TOPAZ1: variants seen among roughly 807,000 people sequenced by gnomAD.
TOPAZ1 encodes protein TOPAZ1.
A neutral mutation model predicts 172.2 loss-of-function variants in TOPAZ1; 66 were observed. That is an observed-to-expected ratio of 0.38 (90% confidence interval 0.31 to 0.47). TOPAZ1 has a LOEUF of 0.47. Among genes scored for constraint, TOPAZ1 ranks in the 20% least tolerant of loss-of-function variants. The pLI is 0.99. For synonymous variants in TOPAZ1, 681 were observed against 683.9 expected (o/e 1.00, Z 0.07); for missense variants, 1,822 against 1,972.4 (o/e 0.92, Z 1.44).
chr3:44,267,104 A>G lies in TOPAZ1; in HGVS notation c.3128A>G (p.Gln1043Arg), dbSNP rs945845660. ...LVPPLNLSGR[Q>R]EDTILNTWMN... ...CCTCCTTTGAATCTAAGTGGTCGTC[A>G]AGAAGACACAATACTGAATACCTGG... The change falls in exon 6 of 20, where the codon CAA (glutamine) becomes CGA (arginine). Residue 1043 changes from glutamine to arginine, a missense_variant. Around this residue, in one of 2 missense-constraint regions of TOPAZ1, gnomAD observed 1,489 missense variants for 1,490.8 expected, o/e 1.00. Coordinates refer to ENST00000309765, the MANE Select transcript of TOPAZ1 (RefSeq NM_001145030.2). The G allele has an allele frequency of 6.5e-7, 1 of 1,546,238 alleles. No homozygotes were observed. The highest frequency in any genetic ancestry group is 8.7e-7 in the Non-Finnish European group (1 of 1,144,846).
intron 4 of TOPAZ1, among the ~76,000 whole-genome samples, chr3:44,258,791 G>T (rs1699743979): frequency 1.3e-5 from 2 of 152,106 alleles, no homozygotes; most frequent in Admixed American, 1.3e-4. Context: ...TCATGTACAG[G>T]TTTTTGTGTA....
At chr3:44,258,632 A>G (rs771900436) in intron 4 of TOPAZ1, among the ~76,000 whole-genome samples, 5 of 151,754 alleles carry the variant, frequency 3.3e-5, no homozygotes, top group African/African-American at 4.8e-5. Flanking sequence ...AAGTCATTGC[A>G]TATATCGGTA....
At chr3:44,298,171 A>C (rs918580306) in intron 12 of TOPAZ1, among the ~76,000 whole-genome samples, 1 of 152,214 alleles carries the variant, frequency 6.6e-6, no homozygotes, top group Non-Finnish European at 1.5e-5. Context: ...GACAACTTTT[A>C]AAAAAGAATA....
intron 8 of TOPAZ1, among the ~76,000 whole-genome samples, chr3:44,280,663 A>T (rs1700013143): frequency 1.3e-5 from 2 of 152,164 alleles, no homozygotes; most frequent in African/African-American, 4.8e-5. Flanking sequence ...TTCAAAAGTT[A>T]TTTTAGCAGC....
At chr3:44,252,779 A>T (rs1157759773) in intron 2 of TOPAZ1, among the ~76,000 whole-genome samples, 1 of 151,658 alleles carries the variant, frequency 6.6e-6, no homozygotes, top group Non-Finnish European at 1.5e-5. Context: ...CCCACCTTGT[A>T]CTGGAATTGC....
At chr3:44,287,324 CAA>C in intron 9 of TOPAZ1, 63 bp from the exon 10 acceptor site, 1 of 934,786 alleles carries the variant, frequency 1.1e-6, no homozygotes, top group Non-Finnish European at 1.4e-6. Flanking sequence ...GAAAAATTAT[CAA>C]ATTTAAGAAA....
intron 19 of TOPAZ1, among the ~76,000 whole-genome samples, chr3:44,331,061 T>C (rs956358361): frequency 6.6e-6 from 1 of 152,270 alleles, no homozygotes; most frequent in Non-Finnish European, 1.5e-5. Flanking sequence ...AACATGTGAA[T>C]GTTAATTCTA....
chr3:44,328,306 C>G lies in TOPAZ1; in HGVS notation c.4732C>G (p.Leu1578Val). ...PLEGNLYRKL[L>V]LIPSYLSEIE... ...GGAAGGAAATTTATACCGAAAACTT[C>G]TTCTAATTCCATCTTATTTATCTGA... Residue 1578 changes from leucine to valine, a missense_variant, in exon 19 of 20, where the codon CTT (leucine) becomes GTT (valine). Physicochemically the swap from Leu to Val is conservative, Grantham distance 32 (BLOSUM62 1). Around this residue, in one of 2 missense-constraint regions of TOPAZ1, gnomAD observed 333 missense variants for 481.7 expected, o/e 0.69. Transcript: ENST00000309765. 6.6e-7 allele frequency: 1 copy of G among 1,514,930 alleles called. No individual in the cohort carries two copies. The highest frequency in any genetic ancestry group is 8.8e-7 in the Non-Finnish European group (1 of 1,133,806). The allele number at this position is 1,514,930 out of a possible 1,614,324, so 93.8% of individuals were successfully genotyped here.
intron 18 of TOPAZ1, among the ~76,000 whole-genome samples, chr3:44,324,860 T>A (rs1224451393): frequency 2.6e-5 from 4 of 152,198 alleles, no homozygotes; most frequent in Admixed American, 1.3e-4. Flanking sequence ...TTTAAAGATT[T>A]TTTTAGCAGT....
chr3:44,305,522 A>G (rs1016570202), intron 14 of TOPAZ1, among the ~76,000 whole-genome samples: 11 of 151,874 alleles, frequency 7.2e-5, no homozygotes, highest in African/African-American at 2.7e-4. Context: ...GGCACATATC[A>G]CTACACTCAG....
intron 18 of TOPAZ1, among the ~76,000 whole-genome samples, chr3:44,327,329 G>T (rs1255850382): frequency 6.6e-6 from 1 of 152,068 alleles, no homozygotes; most frequent in Non-Finnish European, 1.5e-5. Flanking sequence ...TATTTAAATT[G>T]GTTTCAGTAA....
chr3:44,300,081 A>G (rs993914583), intron 12 of TOPAZ1, among the ~76,000 whole-genome samples: 2 of 151,086 alleles, frequency 1.3e-5, no homozygotes, highest in African/African-American at 4.8e-5. Context: ...GTGCACATGT[A>G]CCCTAAAACT....
chr3:44,271,184 G>A (rs1365528339), intron 8 of TOPAZ1, among the ~76,000 whole-genome samples: 5 of 152,164 alleles, frequency 3.3e-5, no homozygotes, highest in Admixed American at 6.5e-5. Context: ...GAACTGCTGT[G>A]TCATAGGGTC....
At chr3:44,336,428 C>T (rs943465942), downstream of TOPAZ1, among the ~76,000 whole-genome samples, 22 of 152,276 alleles carry the variant, frequency 1.4e-4, no homozygotes, top group African/African-American at 5.1e-4. Context: ...ATAACTGTCC[C>T]GTGTATCTAT....
At position 44,243,339 on chromosome 3, in the gene TOPAZ1, C is replaced by T; in HGVS notation, c.833C>T (p.Pro278Leu). The T allele has an allele frequency of 1.3e-6, 2 of 1,551,120 alleles. No homozygotes were observed. The highest frequency in any genetic ancestry group is 1.7e-6 in the Non-Finnish European group (2 of 1,146,854). ...GAGAAGAGTGACACAAATAGTATTC[C>T]TCAGCTCTTACAAACAGAAGAAAAT... Reference protein sequence around the residue: ...LAEKSDTNSIPQLLQTEENVM... With the variant: ...LAEKSDTNSILQLLQTEENVM... Residue 278 changes from proline (P) to leucine (L), a missense_variant, in exon 2 of 20, where the codon CCT becomes CTT. By Grantham distance (98) the Pro-to-Leu change is moderately conservative (BLOSUM62 -3). Transcript: ENST00000309765.
In TOPAZ1 at chr3:44,269,471, C is replaced by CT. The variant is rs71085612; in HGVS notation, c.3246+201dup. Among the ~76,000 whole-genome samples the CT allele has an allele frequency of 9.7e-3, 329 of 33,920 alleles. 56 individuals carry two copies. Among genetic ancestry groups the CT allele is most frequent in the Admixed American group, 0.023 (48 of 2,086 alleles). 22.3% of individuals were successfully genotyped at this position (33,920 alleles called of 152,430 possible). ...CCTTTTGATTGTATTTCCCTATCAT[C>CT]TTTTTTTTTTTTTTTTTTTTTTTTT... On this transcript the variant is annotated intron_variant, in intron 7 of 19. Transcript: ENST00000309765.
chr3:44,290,966 T>C (rs1021113159), intron 12 of TOPAZ1, 80 bp downstream of exon 12: 10 of 848,516 alleles, frequency 1.2e-5, no homozygotes, highest in African/African-American at 1.7e-5. Flanking sequence ...AAAGCTCTAA[T>C]AACTGTTTGT....
chr3:44,304,434 A>G (rs1030873607), intron 13 of TOPAZ1, among the ~76,000 whole-genome samples: 3 of 152,240 alleles, frequency 2.0e-5, no homozygotes, highest in African/African-American at 7.2e-5. Context: ...TGGCTACAGT[A>G]CATGAAATGG....
chr3:44,282,820 G>A (rs1263653451), intron 9 of TOPAZ1, among the ~76,000 whole-genome samples: 1 of 151,992 alleles, frequency 6.6e-6, no homozygotes, highest in African/African-American at 2.4e-5. Context: ...TGTTTTGCTG[G>A]TAATATCATT....
Sources: gnomAD v4.1 joint callset for allele counts (sites outside exome capture counted in the v4.1 genomes callset) on GRCh38, gnomAD v4.1.1 for gene constraint, gnomAD v4.1.1 regional missense constraint, MANE v1.5 for transcripts, NCBI Gene and HGNC (gene_info 2026-07-23, HGNC 2026-07-21) for gene names.